The following VIRMA variants were observed in gnomAD, a reference collection of about 807,000 sequenced individuals.
VIRMA encodes the protein vir like m6A methyltransferase associated.
A neutral mutation model predicts 182.4 loss-of-function variants in VIRMA; 65 were observed. The observed-to-expected ratio is 0.36, with a 90% confidence interval of 0.29 to 0.44. The LOEUF (loss-of-function observed/expected upper bound fraction) is 0.44, where lower values mean the gene tolerates loss of function less well. Ranked by LOEUF, VIRMA falls within the 20% of genes least tolerant of loss-of-function variation. VIRMA has a pLI of 1.00. For missense variants in VIRMA, 1,752 were observed against 2,158.1 expected, an observed-to-expected ratio of 0.81 and a Z score of 3.73; for synonymous variants, 709 against 743.1, an observed-to-expected ratio of 0.95 and a Z score of 0.75.
chr8:94,552,475 C>T (rs1461704707), intron 1 of VIRMA, among the ~76,000 whole-genome samples: 1 of 151,680 alleles, frequency 6.6e-6, no homozygotes, highest in Non-Finnish European at 1.5e-5. Context: ...TACAAGAGCA[C>T]ACTTGATAAA....
At chr8:94,491,975 A>C in intron 21 of VIRMA, 66 bp from the exon 22 acceptor site, 1 of 1,248,420 alleles carries the variant, frequency 8.0e-7, no homozygotes, top group Non-Finnish European at 1.1e-6. Flanking sequence ...TAATCTTTAT[A>C]ATACCCAAAA....
At chr8:94,529,810 T>C (rs1815101002) in intron 6 of VIRMA, among the ~76,000 whole-genome samples, 1 of 151,952 alleles carries the variant, frequency 6.6e-6, no homozygotes, top group Admixed American at 6.6e-5. Flanking sequence ...CGGCTAATTT[T>C]TGTATTTTTA....
chr8:94,528,709 C>A (rs2130354284), intron 7 of VIRMA, among the ~76,000 whole-genome samples: 1 of 152,304 alleles, frequency 6.6e-6, no homozygotes, highest in Admixed American at 6.5e-5. Flanking sequence ...CTTTACCACT[C>A]CTTACTCTGA....
intron 15 of VIRMA, among the ~76,000 whole-genome samples, chr8:94,507,937 GTGTA>G (rs374011439): frequency 4.9e-5 from 4 of 81,462 alleles, no homozygotes; most frequent in South Asian, 5.9e-4. Context: ...ATGTACATAT[GTGTA>G]TATGTGTATA....
Position 94,511,506 on chromosome 8 carries a change from AC to A in VIRMA, c.3068del (p.Gly1023ValfsTer47). 1 of 1,614,114 alleles carries A rather than the reference AC, an allele frequency of 6.2e-7. No homozygotes were observed. The highest frequency in any genetic ancestry group is 8.5e-7 in the Non-Finnish European group (1 of 1,179,996). On this transcript the variant is annotated frameshift_variant, in exon 13 of 24. Coordinates refer to ENST00000297591, the MANE Select transcript of VIRMA (RefSeq NM_015496.5). LOFTEE classifies it high-confidence loss of function. ...LKTMLTELLR[G>X]GSFEFKDMRV... ...GCATGTCCTTAAACTCAAAGGATCC[AC>A]CTCTCAGGAGTTCCGTTAACATAGT...
Position 94,526,986 on chromosome 8 carries a change from A to G in VIRMA, c.1258T>C (p.Leu420=), listed in dbSNP as rs1194046376. ...AGGGAGTCTTGTTTTGTGTTTTTCA[A>G]TTGCAAATAGCTTAACCCTTTTATT... ...LIIKGLSYLQ[L]KNTKQDSLGQ... is the part of the protein sequence containing the mutation. Residue 420 remains leucine (L), a synonymous_variant, in exon 8 of 24, where the codon TTG becomes CTG. Coordinates refer to ENST00000297591, the MANE Select transcript of VIRMA (RefSeq NM_015496.5). 4 of 1,614,234 alleles carry G rather than the reference A, an allele frequency of 2.5e-6. No homozygotes were observed. The highest frequency in any genetic ancestry group is 3.4e-6 in the Non-Finnish European group (4 of 1,180,034).
At position 94,506,521 on chromosome 8, in the gene VIRMA, T is replaced by C. The variant is rs1814158760; in HGVS notation, c.4076A>G (p.Tyr1359Cys). 1.9e-6 allele frequency: 3 copies of C among 1,608,268 alleles called. No homozygotes were observed. Among genetic ancestry groups the C allele is most frequent in the Non-Finnish European group, 2.6e-6 (3 of 1,175,726 alleles). Residue 1359 changes from tyrosine to cysteine, a missense_variant, in exon 16 of 24, where the codon TAT (tyrosine) becomes TGT (cysteine). Coordinates refer to ENST00000297591, the MANE Select transcript of VIRMA (RefSeq NM_015496.5). Reference protein sequence around the residue: ...RTMMFLAEHDYGLFHLKSSLR... With the variant: ...RTMMFLAEHDCGLFHLKSSLR... ...TTACCTTTTTAAATGAAATAATCCA[T>C]AATCATGCTCTGCAAGAAACATCAT...
At chr8:94,495,943 T>C in intron 18 of VIRMA, 52 bp from the exon 19 acceptor site, 1 of 1,511,468 alleles carries the variant, frequency 6.6e-7, no homozygotes, top group Non-Finnish European at 9.0e-7. Context: ...CTTATGTCTG[T>C]AAACCTACTG....
At chr8:94,512,683 G>A (rs1475779798) in intron 11 of VIRMA, among the ~76,000 whole-genome samples, 1 of 152,096 alleles carries the variant, frequency 6.6e-6, no homozygotes, top group Non-Finnish European at 1.5e-5. Context: ...AGGCTGAGGT[G>A]GAAGGATCAT....
In VIRMA at chr8:94,519,424, G is replaced by C; in HGVS notation, c.2074C>G (p.Pro692Ala). 4 of 1,529,722 alleles carry C rather than the reference G, an allele frequency of 2.6e-6. No homozygotes were observed. The highest frequency in any genetic ancestry group is 3.5e-6 in the Non-Finnish European group (4 of 1,143,906). The allele number at this position is 1,529,722 out of a possible 1,614,324, so 94.8% of individuals were successfully genotyped here. The change falls in exon 9 of 24, where the codon CCA becomes GCA. Residue 692 changes from proline (P) to alanine (A), a missense_variant. Physicochemically the swap from Pro to Ala is conservative, Grantham distance 27 (BLOSUM62 -1). Coordinates refer to ENST00000297591, the MANE Select transcript of VIRMA (RefSeq NM_015496.5). Reference sequence around the variant, plus strand: ...ACACCAGGGTGAGCACTTGTTACTGGAATTGACAGAAGCAAGGTAACCAAC... The same window carrying C: ...ACACCAGGGTGAGCACTTGTTACTGCAATTGACAGAAGCAAGGTAACCAAC... ...LELVTLLLSI[P>A]VTSAHPGVLQ...
chr8:94,511,420 C>T lies in VIRMA; in HGVS notation c.3155G>A (p.Arg1052His), dbSNP rs755737802. The T allele has an allele frequency of 1.1e-5, 17 of 1,614,034 alleles. No individual in the cohort carries two copies. Among genetic ancestry groups the T allele is most frequent in the Admixed American group, 1.7e-5 (1 of 59,986 alleles). ...AATTTTCTGTTCATCACTATCCAAA[C>T]GACCTGAGAGGGGGATAGAGCACAG... ...MLLCSIPLSG[R>H]LDSDEQKIQN... Residue 1052 changes from arginine (R) to histidine (H), a missense_variant, in exon 13 of 24, where the codon CGT (arginine) becomes CAT (histidine). Transcript: ENST00000297591.
At chr8:94,550,954 G>T (rs929960654) in intron 1 of VIRMA, among the ~76,000 whole-genome samples, 3 of 151,538 alleles carry the variant, frequency 2.0e-5, no homozygotes, top group African/African-American at 7.3e-5. Context: ...CCTGACGTCA[G>T]GCAATCCACC....
In VIRMA at chr8:94,488,968, T is replaced by C. The variant is rs111322617; in HGVS notation, c.5285-108A>G. ...AAACCAAGAATTACTCTATTCTCTTTTAAAGCTCACGTGCAAGCACGGTGA... is the reference window on the plus strand; with the variant it reads ...AAACCAAGAATTACTCTATTCTCTTCTAAAGCTCACGTGCAAGCACGGTGA... On this transcript the variant is annotated intron_variant, in intron 23 of 23. Coordinates refer to ENST00000297591, the MANE Select transcript of VIRMA (RefSeq NM_015496.5). 102 of 1,281,468 alleles carry C rather than the reference T, an allele frequency of 8.0e-5. No homozygotes were observed. The African/African-American group carries it at 1.4e-3, about 17-fold the overall frequency. 79.4% of individuals were successfully genotyped at this position (1,281,468 alleles called of 1,614,324 possible).
intron 10 of VIRMA, among the ~76,000 whole-genome samples, chr8:94,515,891 A>C (rs1300838400): frequency 6.6e-6 from 1 of 151,742 alleles, no homozygotes; most frequent in East Asian, 2.0e-4. Flanking sequence ...AGATCGACAG[A>C]TGGAGACCAT....
Position 94,511,241 on chromosome 8 carries a change from C to T in VIRMA, c.3334G>A (p.Gly1112Arg). 6.2e-7 allele frequency: 1 copy of T among 1,613,912 alleles called. No individual in the cohort carries two copies. Among genetic ancestry groups the T allele is most frequent in the Non-Finnish European group, 8.5e-7 (1 of 1,179,966 alleles). ...AGCAGCTCTGAAAGGAGTATGAGTCCAGAAAAAAATCCTTCAGGAACCTTC... is the reference window on the plus strand; with the variant it reads ...AGCAGCTCTGAAAGGAGTATGAGTCTAGAAAAAAATCCTTCAGGAACCTTC... ...ILKVPEGFFS[G>R]LILLSELLPL... Residue 1112 changes from glycine to arginine, a missense_variant, in exon 13 of 24, where the codon GGA becomes AGA. Around this residue, in one of 11 missense-constraint regions of VIRMA, gnomAD observed 777 missense variants for 920.6 expected, o/e 0.84. Coordinates refer to ENST00000297591, the MANE Select transcript of VIRMA (RefSeq NM_015496.5).
Position 94,519,110 on chromosome 8 carries a change from C to A in VIRMA, c.2388G>T (p.Leu796=), listed in dbSNP as rs149742739. 3 of 1,613,762 alleles carry A rather than the reference C, an allele frequency of 1.9e-6. No homozygotes were observed. In the East Asian group the frequency reaches 6.7e-5, roughly 36 times the overall value. Residue 796 remains leucine (L), a synonymous_variant, in exon 9 of 24, where the codon CTG becomes CTT. Transcript: ENST00000297591. ...TAAAAGTAATCAAATAAAGATTGTG[C>A]AGGGTTCCCAAGAGATCTGAATGGT... The part of the protein sequence containing the change: ...ETDHSDLLGT[L]HNLYLITFNP...
chr8:94,532,295 T>C (rs1244599631), intron 5 of VIRMA, among the ~76,000 whole-genome samples: 1 of 152,092 alleles, frequency 6.6e-6, no homozygotes, highest in African/African-American at 2.4e-5. Context: ...TTAGTAGACA[T>C]GAGGTTTCAC....
chr8:94,520,733 G>T (rs1464821229), intron 8 of VIRMA, among the ~76,000 whole-genome samples: 2 of 151,938 alleles, frequency 1.3e-5, no homozygotes, highest in African/African-American at 4.8e-5. Context: ...CTTGGATTTT[G>T]GAATCCAAGG....
In VIRMA at chr8:94,512,573, T is replaced by TA. The variant is rs1159127161; in HGVS notation, c.2752-485dup. ...GGAAGGATTGCTTGAGCCCAGGAGTTAGAGACCAACCTGGGCAACATAGTG... is the reference window on the plus strand; with the variant it reads ...GGAAGGATTGCTTGAGCCCAGGAGTTAAGAGACCAACCTGGGCAACATAGTG... On this transcript the variant is annotated intron_variant, in intron 11 of 23. Transcript: ENST00000297591. 3.9e-5 allele frequency: 6 copies of TA among 152,338 alleles called. 1 individual carries two copies. The highest frequency in any genetic ancestry group is 1.4e-4 in the African/African-American group (6 of 41,516). 9.4% of individuals were successfully genotyped at this position (152,338 alleles called of 1,614,324 possible).
Sources: allele counts gnomAD v4.1 joint callset (sites outside exome capture counted in the v4.1 genomes callset), GRCh38; gene constraint gnomAD v4.1.1; regional missense constraint gnomAD v4.1.1; transcripts MANE v1.5; gene names NCBI Gene and HGNC (gene_info 2026-07-23, HGNC 2026-07-21).